The following B4GALT6 variants were observed in gnomAD, a reference collection of about 807,000 sequenced individuals.
B4GALT6 encodes UDP-Gal:beta-GlcNAc beta-1,4-galactosyltransferase 6.
Under a neutral mutation model 46.3 loss-of-function variants are expected in B4GALT6, and 14 were observed. The ratio of observed to expected loss-of-function variants is 0.30; its 90% confidence interval spans 0.20 to 0.47. The LOEUF (loss-of-function observed/expected upper bound fraction) is 0.47. Among genes scored for constraint, B4GALT6 ranks in the 20% least tolerant of loss-of-function variants. The probability of loss-of-function intolerance (pLI) is 0.99; values close to 1 mark genes in which losing one functional copy is unlikely to be tolerated. For synonymous variants in B4GALT6, 168 were observed against 162.0 expected, an observed-to-expected ratio of 1.04 and a Z score of -0.28; for missense variants, 386 against 480.1, an observed-to-expected ratio of 0.80 and a Z score of 1.83.
intron 1 of B4GALT6, among the ~76,000 whole-genome samples, chr18:31,676,128 G>A (rs1450386679): frequency 6.6e-6 from 1 of 152,084 alleles, no homozygotes; most frequent in Non-Finnish European, 1.5e-5. Flanking sequence ...CTTCCTATGA[G>A]TCAAACTGAA....
At chr18:31,632,976 C>T (rs535486516) in intron 5 of B4GALT6, among the ~76,000 whole-genome samples, 33 of 152,216 alleles carry the variant, frequency 2.2e-4, no homozygotes, top group Admixed American at 1.6e-3. Flanking sequence ...AAATCACCTA[C>T]GCCTTTTCCT....
the B4GALT6 span, among the ~76,000 whole-genome samples, chr18:31,696,904 C>T: frequency 6.6e-6 from 1 of 152,252 alleles, no homozygotes; most frequent in Non-Finnish European, 1.5e-5. Flanking sequence ...AGTCCAAGCT[C>T]GTACCACTCA....
At chr18:31,721,012 C>T in the B4GALT6 span, among the ~76,000 whole-genome samples, 1 of 152,182 alleles carries the variant, frequency 6.6e-6, no homozygotes, top group Non-Finnish European at 1.5e-5. Flanking sequence ...CTGGTTCATT[C>T]GTGGAGACAG....
At chr18:31,714,462 G>C in the B4GALT6 span, among the ~76,000 whole-genome samples, 2 of 152,318 alleles carry the variant, frequency 1.3e-5, no homozygotes, top group African/African-American at 4.8e-5. Context: ...ATGAAGCCAG[G>C]TGGGGATGCA....
At chr18:31,672,914 C>T (rs950261466) in intron 1 of B4GALT6, among the ~76,000 whole-genome samples, 6 of 152,214 alleles carry the variant, frequency 3.9e-5, no homozygotes, top group Admixed American at 6.5e-5. Context: ...ACAGCAGCTT[C>T]AGGAAGCAGT....
At chr18:31,721,331 A>G in the B4GALT6 span, among the ~76,000 whole-genome samples, 1 of 152,218 alleles carries the variant, frequency 6.6e-6, no homozygotes, top group Non-Finnish European at 1.5e-5. Flanking sequence ...AACTTAAAGT[A>G]TAAAAAAAAA....
At chr18:31,665,165 G>A (rs547255730) in intron 2 of B4GALT6, among the ~76,000 whole-genome samples, 1 of 152,284 alleles carries the variant, frequency 6.6e-6, no homozygotes, top group South Asian at 2.1e-4. Flanking sequence ...AGTGACACAA[G>A]GAAGAATTAC....
rs192969579 is a variant in B4GALT6, at chr18:31,671,013, C to G, written c.116-4641G>C. Among the ~76,000 whole-genome samples the G allele has an allele frequency of 3.3e-5, 5 of 152,116 alleles. No homozygotes were observed. In the East Asian group the frequency reaches 9.7e-4, roughly 30 times the overall value. ...ACACGTAGTGTTTGGTTTTTCTGAT[C>G]TTGTGATAGTTTGCTGAGAATGATC... On this transcript the variant is annotated intron_variant, in intron 1 of 8. Coordinates refer to ENST00000306851, the MANE Select transcript of B4GALT6 (RefSeq NM_004775.5).
the B4GALT6 span, among the ~76,000 whole-genome samples, chr18:31,709,595 GTGTGTGTGTATA>G: frequency 1.9e-4 from 11 of 58,160 alleles, no homozygotes; most frequent in African/African-American, 3.5e-4. Flanking sequence ...GTGTGTGTGT[GTGTGTGTGTATA>G]TATATATCCT....
At chr18:31,651,279 C>T (rs149446724) in intron 3 of B4GALT6, among the ~76,000 whole-genome samples, 22 of 152,220 alleles carry the variant, frequency 1.4e-4, no homozygotes, top group Non-Finnish European at 2.8e-4. Flanking sequence ...AAAGAAAGCA[C>T]GTAAGCATAT....
At chr18:31,658,815 A>C (rs2074175537) in intron 2 of B4GALT6, among the ~76,000 whole-genome samples, 1 of 152,166 alleles carries the variant, frequency 6.6e-6, no homozygotes, top group Non-Finnish European at 1.5e-5. Context: ...TTTAAACTTC[A>C]ATAAGACAAA....
intron 2 of B4GALT6, among the ~76,000 whole-genome samples, chr18:31,659,214 C>T (rs1266939357): frequency 6.6e-6 from 1 of 152,122 alleles, no homozygotes; most frequent in Admixed American, 6.5e-5. Context: ...GTAATCTGCT[C>T]CAATGAGAGA....
chr18:31,699,859 T>G, the B4GALT6 span, among the ~76,000 whole-genome samples: 1 of 152,066 alleles, frequency 6.6e-6, no homozygotes, highest in African/African-American at 2.4e-5. Context: ...TTATGTAAGT[T>G]TATTGGTTTC....
chr18:31,700,832 GATCTCA>G, the B4GALT6 span, among the ~76,000 whole-genome samples: 1 of 151,998 alleles, frequency 6.6e-6, no homozygotes, highest in Non-Finnish European at 1.5e-5. Context: ...TATCAACCTG[GATCTCA>G]GAGTGACGAT....
At chr18:31,677,324 T>C (rs1209821936) in intron 1 of B4GALT6, among the ~76,000 whole-genome samples, 1 of 152,322 alleles carries the variant, frequency 6.6e-6, no homozygotes, top group East Asian at 1.9e-4. Context: ...TATTGCTGTA[T>C]CTTAAACCAA....
At chr18:31,699,074 T>A in the B4GALT6 span, among the ~76,000 whole-genome samples, 3 of 145,066 alleles carry the variant, frequency 2.1e-5, no homozygotes, top group East Asian at 4.0e-4. Context: ...AGCAAGACTC[T>A]GTCTCAAAAA....
the B4GALT6 span, among the ~76,000 whole-genome samples, chr18:31,712,287 ATTTTTTTTT>A: frequency 3.5e-5 from 3 of 84,622 alleles, no homozygotes; most frequent in African/African-American, 5.1e-5. Flanking sequence ...CTGGGACGTT[ATTTTTTTTT>A]TTTTTTTTTT....
At chr18:31,722,797 G>C in the B4GALT6 span, among the ~76,000 whole-genome samples, 1 of 152,204 alleles carries the variant, frequency 6.6e-6, no homozygotes, top group Admixed American at 6.5e-5. Context: ...CCCGTTCTTA[G>C]TGGCAGAATC....
chr18:31,667,867 C>T (rs1274746089), intron 1 of B4GALT6, among the ~76,000 whole-genome samples: 1 of 152,028 alleles, frequency 6.6e-6, no homozygotes, highest in Admixed American at 6.6e-5. Flanking sequence ...GAGGCCGAGG[C>T]GGTTGGATCA....
Sources: gnomAD v4.1 joint callset for allele counts (sites outside exome capture counted in the v4.1 genomes callset) on GRCh38, gnomAD v4.1.1 for gene constraint, MANE v1.5 for transcripts, NCBI Gene and HGNC (gene_info 2026-07-23, HGNC 2026-07-21) for gene names.